RASGRF2: variants seen among roughly 807,000 people sequenced by gnomAD.
RASGRF2 encodes the protein ras-specific guanine nucleotide-releasing factor 2.
Under a neutral mutation model 151.0 loss-of-function variants are expected in RASGRF2, and 76 were observed. The ratio of observed to expected loss-of-function variants is 0.50; its 90% confidence interval spans 0.42 to 0.61. RASGRF2 has a LOEUF of 0.61. RASGRF2 is among the 20% of genes least tolerant of loss of function. The probability of loss-of-function intolerance (pLI) is 0.00; values close to 1 mark genes in which losing one functional copy is unlikely to be tolerated. For missense variants in RASGRF2, 1,148 were observed against 1,564.6 expected (o/e 0.73, Z 4.49); for synonymous variants, 504 against 566.5 (o/e 0.89, Z 1.57).
At chr5:81,087,029 C>A in intron 9 of RASGRF2, 76 bp downstream of exon 9, 3 of 1,358,234 alleles carry the variant, frequency 2.2e-6, no homozygotes, top group South Asian at 1.2e-5. Context: ...CCCCGGAAGG[C>A]GTTCTGAACA....
At chr5:81,202,351 C>A (rs1027964868) in intron 19 of RASGRF2, among the ~76,000 whole-genome samples, 1 of 152,186 alleles carries the variant, frequency 6.6e-6, no homozygotes, top group Non-Finnish European at 1.5e-5. Context: ...CGAAGCTTGG[C>A]TGCATTGTCT....
chr5:81,019,177 G>A (rs983399925), intron 1 of RASGRF2, among the ~76,000 whole-genome samples: 6 of 149,304 alleles, frequency 4.0e-5, no homozygotes, highest in African/African-American at 1.5e-4. Context: ...AGGATGTCAG[G>A]GAAAAGAATA....
chr5:81,062,274 C>A (rs1395628561), intron 2 of RASGRF2, among the ~76,000 whole-genome samples: 2 of 152,142 alleles, frequency 1.3e-5, no homozygotes, highest in East Asian at 1.9e-4. Context: ...AAATTTAACA[C>A]CCTTACAATA....
At chr5:81,010,441 T>C (rs1749422082) in intron 1 of RASGRF2, among the ~76,000 whole-genome samples, 1 of 152,192 alleles carries the variant, frequency 6.6e-6, no homozygotes, top group African/African-American at 2.4e-5. Context: ...AATTATTTGT[T>C]ATGTATGAGA....
At chr5:81,055,075 G>C (rs1466576918) in intron 2 of RASGRF2, among the ~76,000 whole-genome samples, 1 of 152,144 alleles carries the variant, frequency 6.6e-6, no homozygotes, top group Non-Finnish European at 1.5e-5. Context: ...TCTGCAAACG[G>C]GGACAATTTG....
At chr5:81,160,464 G>T (rs976629398) in intron 17 of RASGRF2, among the ~76,000 whole-genome samples, 4 of 151,332 alleles carry the variant, frequency 2.6e-5, no homozygotes, top group Non-Finnish European at 5.9e-5. Context: ...GAGGTCAGGA[G>T]ATCAAGACCA....
chr5:81,111,992 T>G (rs561595807), intron 13 of RASGRF2, among the ~76,000 whole-genome samples: 20 of 152,312 alleles, frequency 1.3e-4, no homozygotes, highest in Admixed American at 8.5e-4. Context: ...TTTCCCCCAC[T>G]CCTAAAGAGG....
chr5:80,979,717 G>T (rs1206919708), intron 1 of RASGRF2, among the ~76,000 whole-genome samples: 1 of 152,198 alleles, frequency 6.6e-6, no homozygotes, highest in Admixed American at 6.5e-5. Context: ...TACAGGTACT[G>T]TATAAAGGAT....
At chr5:81,186,552 A>G (rs1286272105) in intron 18 of RASGRF2, among the ~76,000 whole-genome samples, 2 of 152,180 alleles carry the variant, frequency 1.3e-5, no homozygotes, top group Admixed American at 6.5e-5. Flanking sequence ...ACTCTATCCT[A>G]TAAACACAGA....
chr5:81,016,212 A>G (rs1749632592), intron 1 of RASGRF2, among the ~76,000 whole-genome samples: 1 of 152,230 alleles, frequency 6.6e-6, no homozygotes, highest in Non-Finnish European at 1.5e-5. Context: ...AAAAACTTGT[A>G]TGAGAATTTA....
intron 6 of RASGRF2, 95 bp from the exon 7 acceptor site, chr5:81,080,501 A>T: frequency 2.3e-6 from 3 of 1,292,432 alleles, no homozygotes; most frequent in Non-Finnish European, 3.3e-6. Context: ...CATGTGTGAC[A>T]CCTGGTGCTG....
chr5:81,085,691 A>G, intron 7 of RASGRF2, 111 bp from the exon 8 acceptor site: 2 of 1,491,144 alleles, frequency 1.3e-6, no homozygotes, highest in Non-Finnish European at 1.8e-6. Flanking sequence ...GTAAAACAGT[A>G]AAAAGTGGGA....
intron 2 of RASGRF2, among the ~76,000 whole-genome samples, chr5:81,048,667 G>A (rs1439004834): frequency 6.6e-6 from 1 of 152,162 alleles, no homozygotes; most frequent in Non-Finnish European, 1.5e-5. Flanking sequence ...TCACCTGCAG[G>A]AGGGAGCCAT....
intron 18 of RASGRF2, among the ~76,000 whole-genome samples, chr5:81,186,954 G>A (rs143876769): frequency 1.3e-5 from 2 of 152,298 alleles, no homozygotes; most frequent in East Asian, 1.9e-4. Flanking sequence ...GGGGATTAAT[G>A]CCACTTTTTC....
chr5:81,055,774 T>A (rs1200239452), intron 2 of RASGRF2, among the ~76,000 whole-genome samples: 1 of 152,168 alleles, frequency 6.6e-6, no homozygotes, highest in Non-Finnish European at 1.5e-5. Context: ...CTTTTTTTGG[T>A]TGGTAGGCTA....
intron 1 of RASGRF2, among the ~76,000 whole-genome samples, chr5:80,964,668 A>G (rs888845864): frequency 5.9e-5 from 9 of 152,126 alleles, no homozygotes; most frequent in African/African-American, 1.7e-4. Context: ...GATGTGAATC[A>G]CTGTTTTGTT....
intron 1 of RASGRF2, among the ~76,000 whole-genome samples, chr5:80,976,586 A>G (rs1281967945): frequency 6.6e-6 from 1 of 152,168 alleles, no homozygotes; most frequent in African/African-American, 2.4e-5. Context: ...TAGACATGAT[A>G]GAAAGTCGGG....
At chr5:81,049,332 G>T (rs1040541395) in intron 2 of RASGRF2, among the ~76,000 whole-genome samples, 21 of 152,204 alleles carry the variant, frequency 1.4e-4, no homozygotes, top group Non-Finnish European at 3.1e-4. Context: ...GGATAGATAG[G>T]TAGAATGATA....
At chr5:81,221,462 T>C (rs1318154941) in intron 26 of RASGRF2, among the ~76,000 whole-genome samples, 1 of 152,236 alleles carries the variant, frequency 6.6e-6, no homozygotes, top group Non-Finnish European at 1.5e-5. Flanking sequence ...AGCTTGGCCA[T>C]CGGGTGCTCT....
Sources: allele counts gnomAD v4.1 joint callset (sites outside exome capture counted in the v4.1 genomes callset), GRCh38; gene constraint gnomAD v4.1.1; transcripts MANE v1.5; gene names NCBI Gene and HGNC (gene_info 2026-07-23, HGNC 2026-07-21).